CHN2: variants seen among roughly 807,000 people sequenced by gnomAD.
CHN2 encodes the protein chimerin 2.
In CHN2, 35 loss-of-function variants were observed where a neutral mutation model predicts 56.3. That is an observed-to-expected ratio of 0.62 (90% CI 0.47 to 0.82). The LOEUF (loss-of-function observed/expected upper bound fraction) is 0.82. CHN2 is among the 40% of genes least tolerant of loss of function. CHN2 has a pLI of 0.00. For synonymous variants in CHN2, 210 were observed against 212.8 expected (o/e 0.99, Z 0.12); for missense variants, 491 against 580.5 (o/e 0.85, Z 1.58).
chr7:29,403,670 GAAA>G (rs1015805042), intron 6 of CHN2, among the ~76,000 whole-genome samples: 1 of 141,578 alleles, frequency 7.1e-6, no homozygotes, highest in South Asian at 2.2e-4. Context: ...GAGGAAGGCA[GAAA>G]AAAAAAAAAA....
intron 8 of CHN2, among the ~76,000 whole-genome samples, chr7:29,496,484 C>A (rs927104775): frequency 6.6e-6 from 1 of 151,372 alleles, no homozygotes; most frequent in African/African-American, 2.4e-5. Flanking sequence ...GCCTCACCAA[C>A]AGACCTTGGG....
chr7:29,353,259 G>A (rs930773851), intron 1 of CHN2, among the ~76,000 whole-genome samples: 2 of 152,154 alleles, frequency 1.3e-5, no homozygotes, highest in East Asian at 1.9e-4. Flanking sequence ...TATGATTTGG[G>A]GAAGAAAACC....
chr7:29,251,254 A>C (rs560822263), intron 1 of CHN2, among the ~76,000 whole-genome samples: 7 of 152,256 alleles, frequency 4.6e-5, no homozygotes, highest in South Asian at 4.1e-4. Context: ...GCAGTTCGAG[A>C]TCAGCCTGGG....
intron 1 of CHN2, among the ~76,000 whole-genome samples, chr7:29,261,009 G>A (rs570630474): frequency 1.3e-5 from 2 of 152,116 alleles, no homozygotes; most frequent in Non-Finnish European, 2.9e-5. Context: ...ATTTTTTAAT[G>A]CAGATTTGGG....
chr7:29,211,804 A>G (rs185433877), intron 1 of CHN2, among the ~76,000 whole-genome samples: 2 of 151,842 alleles, frequency 1.3e-5, no homozygotes, highest in Admixed American at 6.5e-5. Flanking sequence ...AACTTGCTAC[A>G]CTGCGTAGCA....
intron 1 of CHN2, among the ~76,000 whole-genome samples, chr7:29,232,932 C>T (rs1329607434): frequency 6.6e-6 from 1 of 152,124 alleles, no homozygotes; most frequent in South Asian, 2.1e-4. Context: ...ATGGTCCAAC[C>T]TTTTTAACAT....
At chr7:29,182,678 C>T (rs1241870548) in intron 2 of CHN2, among the ~76,000 whole-genome samples, 2 of 152,110 alleles carry the variant, frequency 1.3e-5, no homozygotes, top group African/African-American at 4.8e-5. Context: ...ACCCAATGTC[C>T]CTCAAGATTG....
chr7:29,264,962 T>C (rs149690018), intron 1 of CHN2, among the ~76,000 whole-genome samples: 153 of 152,026 alleles, frequency 1.0e-3, no homozygotes, highest in African/African-American at 3.4e-3. Flanking sequence ...TTTAATCTAT[T>C]GGGAAATGAT....
At chr7:29,502,128 G>C (rs1011758352) in intron 9 of CHN2, among the ~76,000 whole-genome samples, 9 of 152,278 alleles carry the variant, frequency 5.9e-5, no homozygotes, top group Admixed American at 4.6e-4. Flanking sequence ...CTCCAAATCT[G>C]TCTAACTATA....
chr7:29,164,574 C>T (rs949285754), intron 2 of CHN2, among the ~76,000 whole-genome samples: 1 of 151,798 alleles, frequency 6.6e-6, no homozygotes, highest in East Asian at 1.9e-4. Context: ...CATTTGAACT[C>T]AGAAGAGACC....
Position 29,205,680 on chromosome 7 carries a change from G to A in CHN2, c.49+10690G>A, listed in dbSNP as rs113047667. On this transcript the variant is annotated intron_variant, in intron 1 of 12. Transcript: ENST00000222792. ...CCTTTCAAATCCTTGGAGTGTAATCGTGCCAACTTAGAGTTTCTCTACTCT... is the reference window on the plus strand; with the variant it reads ...CCTTTCAAATCCTTGGAGTGTAATCATGCCAACTTAGAGTTTCTCTACTCT... Among the ~76,000 whole-genome samples, 569 of 152,068 alleles carry A rather than the reference G, an allele frequency of 3.7e-3. 5 individuals carry two copies. Among genetic ancestry groups the A allele is most frequent in the African/African-American group, 0.013 (550 of 41,476 alleles).
intron 6 of CHN2, among the ~76,000 whole-genome samples, chr7:29,463,468 G>T (rs1419034421): frequency 6.6e-6 from 1 of 152,130 alleles, no homozygotes; most frequent in East Asian, 1.9e-4. Flanking sequence ...TAGGGTCTCG[G>T]CTTTTGTGCT....
In CHN2 at chr7:29,400,599, G is replaced by A. The variant is rs200309206; in HGVS notation, c.347G>A (p.Gly116Asp). The change falls in exon 6 of 13, where the codon GGT becomes GAT. Residue 116 changes from glycine to aspartate, a missense_variant. By Grantham distance (94) the Gly-to-Asp change is moderately conservative. Coordinates refer to ENST00000222792, the MANE Select transcript of CHN2 (RefSeq NM_004067.4). ...RLFHDGKHFV[G>D]EKRFESIHDL... Reference sequence around the variant, plus strand: ...TTCCACGACGGGAAACACTTTGTGGGTGAGAAGAGGTTTGAGTCGATTCAT... The same window carrying A: ...TTCCACGACGGGAAACACTTTGTGGATGAGAAGAGGTTTGAGTCGATTCAT... The A allele has an allele frequency of 6.2e-7, 1 of 1,614,180 alleles. No homozygotes were observed. The highest frequency in any genetic ancestry group is 1.3e-5 in the African/African-American group (1 of 75,034).
chr7:29,332,465 C>T (rs759765887), intron 1 of CHN2, among the ~76,000 whole-genome samples: 3 of 152,084 alleles, frequency 2.0e-5, no homozygotes, highest in Admixed American at 6.5e-5. Context: ...CAGTAGGAAC[C>T]GTACTATGAA....
intron 1 of CHN2, among the ~76,000 whole-genome samples, chr7:29,293,362 G>GGCC (rs1792812098): frequency 5.6e-5 from 3 of 53,138 alleles, no homozygotes; most frequent in Non-Finnish European, 7.9e-5. Flanking sequence ...GGCAGCTAAT[G>GGCC]CCCCCCCCCC....
At chr7:29,502,474 C>A (rs997690142) in intron 9 of CHN2, among the ~76,000 whole-genome samples, 1 of 152,178 alleles carries the variant, frequency 6.6e-6, no homozygotes, top group Non-Finnish European at 1.5e-5. Flanking sequence ...ATGGCCACTG[C>A]AATGGATATT....
intron 2 of CHN2, among the ~76,000 whole-genome samples, chr7:29,184,042 T>C (rs1798396551): frequency 6.6e-6 from 1 of 152,026 alleles, no homozygotes. Context: ...TACACTATTT[T>C]ATATAAGACA....
rs1787038991 is a variant in CHN2, at chr7:29,480,289, T to C, written c.587T>C (p.Leu196Pro). 1 of 1,614,226 alleles carries C rather than the reference T, an allele frequency of 6.2e-7. No individual in the cohort carries two copies. Residue 196 changes from leucine (L) to proline (P), a missense_variant, in exon 7 of 13, where the codon CTG becomes CCG. Coordinates refer to ENST00000222792, the MANE Select transcript of CHN2 (RefSeq NM_004067.4). ...EHTAVEKISS[L>P]VRRAALTHND... Reference sequence around the variant, plus strand: ...TTTGCCTGTTCACAGATCTCCTCCCTGGTTCGAAGGGCTGCCCTCACACAC... The same window carrying C: ...TTTGCCTGTTCACAGATCTCCTCCCCGGTTCGAAGGGCTGCCCTCACACAC...
chr7:29,200,554 A>T (rs1051955979), intron 1 of CHN2: 1 of 143,944 alleles, frequency 6.9e-6, no homozygotes, highest in Non-Finnish European at 1.5e-5. Flanking sequence ...CATCAATCCC[A>T]CATTTGGTTT....
Sources: allele counts gnomAD v4.1 joint callset (sites outside exome capture counted in the v4.1 genomes callset), GRCh38; gene constraint gnomAD v4.1.1; transcripts MANE v1.5; gene names NCBI Gene and HGNC (gene_info 2026-07-23, HGNC 2026-07-21).